Variants in DCP2 observed in about 807,000 individuals in gnomAD.
DCP2 encodes decapping mRNA 2, also known as m7GpppN-mRNA hydrolase.
A neutral mutation model predicts 56.1 loss-of-function variants in DCP2; 30 were observed. The ratio of observed to expected loss-of-function variants is 0.53; its 90% CI spans 0.40 to 0.73. The LOEUF is 0.73. DCP2 is among the 30% of genes least tolerant of loss of function. The pLI is 0.00. For missense variants in DCP2, 533 were observed against 502.7 expected (o/e 1.06, Z -0.58); for synonymous variants, 197 against 163.3 (o/e 1.21, Z -1.57).
chr5:112,990,934 C>T (rs957528056), intron 2 of DCP2, among the ~76,000 whole-genome samples: 9 of 151,798 alleles, frequency 5.9e-5, no homozygotes, highest in African/African-American at 2.2e-4. Flanking sequence ...AATATAATGC[C>T]GACTTCTTTG....
chr5:113,006,600 T>A (rs1749448296), intron 8 of DCP2, among the ~76,000 whole-genome samples: 1 of 152,228 alleles, frequency 6.6e-6, no homozygotes. Flanking sequence ...TAGGTTGGAA[T>A]GTAAATTAAC....
At position 113,013,867 on chromosome 5, in the gene DCP2, T is replaced by A. The variant is rs978390846; in HGVS notation, c.*383T>A. ...TGATTGCAATAATAGTATATTGGAG[T>A]TTTTCAAAGAAACTTAAAGTAATGC... On this transcript the variant is annotated 3_prime_UTR_variant, in exon 11 of 11. Transcript: ENST00000389063. 2 of 158,018 alleles carry A rather than the reference T, an allele frequency of 1.3e-5. No individual in the cohort carries two copies. The highest frequency in any genetic ancestry group is 2.8e-5 in the Non-Finnish European group (2 of 72,162). 9.8% of individuals were successfully genotyped at this position (158,018 alleles called of 1,614,324 possible). A position where few individuals can be genotyped will look rare whatever the true frequency, so the allele number is the denominator to read the frequency against.
intron 10 of DCP2, among the ~76,000 whole-genome samples, chr5:113,012,795 C>T (rs1294751810): frequency 1.3e-5 from 2 of 152,122 alleles, no homozygotes; most frequent in African/African-American, 2.4e-5. Context: ...AGGCGTGTGC[C>T]ACCATGCCTG....
At chr5:113,000,420 A>ACACACACACACACACACACACCCC (rs112449298) in intron 4 of DCP2, among the ~76,000 whole-genome samples, 9 of 146,652 alleles carry the variant, frequency 6.1e-5, no homozygotes, top group African/African-American at 1.8e-4. Context: ...ACACACACAC[A>ACACACACACACACACACACACCCC]CACACCCACA....
rs1749902550 is a variant in DCP2 at position 113,016,743 on chromosome 5, T to C, written c.*3259T>C. ...TCTCATGGACTTCTCATCCTTTCTT[T>C]TTTCATCTCCAACAGTTAAATGGTA... is the stretch of plus-strand genomic sequence containing the variant. On this transcript the variant is annotated 3_prime_UTR_variant, in exon 11 of 11. Transcript: ENST00000389063. 6.6e-6 allele frequency: 1 copy of C among 152,184 alleles called. No homozygotes were observed. The highest frequency in any genetic ancestry group is 1.5e-5 in the Non-Finnish European group (1 of 68,046). 9.4% of individuals were successfully genotyped at this position (152,184 alleles called of 1,614,324 possible). A position where few individuals can be genotyped will look rare whatever the true frequency, so the allele number is the denominator to read the frequency against.
At position 113,017,659 on chromosome 5, in the gene DCP2, A is replaced by G. The variant is rs776164393; in HGVS notation, c.*4175A>G. ...CAAAAAAATATGATAGATTATTGTTATAGAATCAAAGTGTCCTGAAGGGAG... is the reference window on the plus strand; with the variant it reads ...CAAAAAAATATGATAGATTATTGTTGTAGAATCAAAGTGTCCTGAAGGGAG... On this transcript the variant is annotated 3_prime_UTR_variant, in exon 11 of 11. Transcript: ENST00000389063. 1 of 152,216 alleles carries G rather than the reference A, an allele frequency of 6.6e-6. No homozygotes were observed. Among genetic ancestry groups the G allele is most frequent in the Non-Finnish European group, 1.5e-5 (1 of 68,042 alleles). The allele number at this position is 152,216 out of a possible 1,614,324, so 9.4% of individuals were successfully genotyped here.
rs981521212 is a variant in DCP2, at chr5:113,014,566, A to G, written c.*1082A>G. The G allele has an allele frequency of 1.4e-4, 21 of 152,796 alleles. No individual in the cohort carries two copies. Among genetic ancestry groups the G allele is most frequent in the African/African-American group, 4.8e-4 (20 of 41,588 alleles). The allele number at this position is 152,796 out of a possible 1,614,324, so 9.5% of individuals were successfully genotyped here. ...TGTATATGTGTTACATAACAGTAAC[A>G]TACATAACTCACTCCTAGGAATGTA... On this transcript the variant is annotated 3_prime_UTR_variant, in exon 11 of 11. Transcript: ENST00000389063.
rs566495719 is a variant in DCP2 at position 112,978,117 on chromosome 5, C to G, written c.53+1131C>G. On this transcript the variant is annotated intron_variant, in intron 1 of 10. Transcript: ENST00000389063. ...TCAGCCTCCCTAGCAGCTGGGATTA[C>G]AGGCACCCGCCACCACACCCGGCTA... 4.6e-5 allele frequency among the ~76,000 whole-genome samples: 7 copies of G among 152,226 alleles called. No individual in the cohort carries two copies. The South Asian group carries it at 1.2e-3, about 27-fold the overall frequency.
At chr5:113,001,309 C>T (rs756717478) in intron 5 of DCP2, 48 bp from the exon 6 acceptor site, 9 of 1,594,602 alleles carry the variant, frequency 5.6e-6, no homozygotes. Context: ...CTTTTATAAG[C>T]TCCTTGATAA....
chr5:112,993,014 T>C (rs910270768), intron 4 of DCP2, among the ~76,000 whole-genome samples: 2 of 152,114 alleles, frequency 1.3e-5, no homozygotes, highest in Non-Finnish European at 2.9e-5. Context: ...TGTTCCTTTC[T>C]TTGATGATAT....
chr5:113,000,418 A>ACACACACC (rs1207741804), intron 4 of DCP2, among the ~76,000 whole-genome samples: 12 of 102,174 alleles, frequency 1.2e-4, no homozygotes, highest in Non-Finnish European at 2.3e-4. Context: ...ACACACACAC[A>ACACACACC]CACACACCCA....
intron 9 of DCP2, among the ~76,000 whole-genome samples, chr5:113,008,655 A>T (rs996199704): frequency 2.0e-5 from 3 of 152,102 alleles, no homozygotes; most frequent in African/African-American, 7.2e-5. Context: ...AATTTTTAGC[A>T]AAAATATTTT....
intron 2 of DCP2, among the ~76,000 whole-genome samples, chr5:112,991,715 CTTG>C (rs1748599426): frequency 6.6e-6 from 1 of 151,970 alleles, no homozygotes; most frequent in African/African-American, 2.4e-5. Context: ...AATTCTATTT[CTTG>C]TTATTACGCT....
rs1750164836 is a variant in DCP2 at position 113,021,941 on chromosome 5, T to C, written c.*8457T>C. On this transcript the variant is annotated 3_prime_UTR_variant, in exon 11 of 11. Transcript: ENST00000389063. Reference sequence around the variant, plus strand: ...CTAAAAATGGGCTATAAATGAGGGTTCTTTGGCCATTTTGATCTAATAATA... The same window carrying C: ...CTAAAAATGGGCTATAAATGAGGGTCCTTTGGCCATTTTGATCTAATAATA... Among the ~76,000 whole-genome samples, 1 of 152,210 alleles carries C rather than the reference T, an allele frequency of 6.6e-6. No homozygotes were observed. Among genetic ancestry groups the C allele is most frequent in the Admixed American group, 6.5e-5 (1 of 15,276 alleles).
intron 1 of DCP2, among the ~76,000 whole-genome samples, chr5:112,981,003 C>G (rs933953772): frequency 2.0e-5 from 3 of 150,300 alleles, no homozygotes; most frequent in Non-Finnish European, 4.4e-5. Context: ...TTAAATTGTT[C>G]CATTGTTTAC....
intron 7 of DCP2, among the ~76,000 whole-genome samples, chr5:113,003,254 G>A (rs879689946): frequency 2.0e-5 from 3 of 152,190 alleles, no homozygotes; most frequent in Non-Finnish European, 4.4e-5. Flanking sequence ...GCCTGCATTA[G>A]TACAACATTT....
chr5:113,010,207 AT>A (rs766144641), intron 9 of DCP2, among the ~76,000 whole-genome samples: 24,227 of 117,860 alleles, frequency 0.21, 2,156 homozygotes, highest in Non-Finnish European at 0.23. Flanking sequence ...TAATTCTTGT[AT>A]TTTTTTTTTT....
intron 4 of DCP2, among the ~76,000 whole-genome samples, chr5:112,996,010 A>G (rs1008926577): frequency 1.3e-5 from 2 of 152,196 alleles, no homozygotes; most frequent in Admixed American, 1.3e-4. Flanking sequence ...CAGCCCTGTC[A>G]GATTAGGGCC....
At chr5:113,003,599 G>A (rs761063385) in intron 7 of DCP2, among the ~76,000 whole-genome samples, 3 of 151,986 alleles carry the variant, frequency 2.0e-5, no homozygotes, top group Admixed American at 1.3e-4. Flanking sequence ...ATGTACATTC[G>A]TTTCATCTAA....
Sources: gnomAD v4.1 joint callset for allele counts (sites outside exome capture counted in the v4.1 genomes callset) on GRCh38, gnomAD v4.1.1 for gene constraint, MANE v1.5 for transcripts, NCBI Gene and HGNC (gene_info 2026-07-23, HGNC 2026-07-21) for gene names.